The following NISCH variants were observed in gnomAD, a reference collection of about 807,000 sequenced individuals.
NISCH encodes nischarin, also known as I-1 receptor candidate protein.
A neutral mutation model predicts 138.4 loss-of-function variants in NISCH; 55 were observed. The observed-to-expected ratio is 0.40, with a 90% CI of 0.32 to 0.50. The LOEUF (loss-of-function observed/expected upper bound fraction) is 0.50. NISCH is among the 20% of genes least tolerant of loss of function. NISCH has a pLI of 0.71. For synonymous variants in NISCH, 860 were observed against 861.5 expected (o/e 1.00, Z 0.03); for missense variants, 1,643 against 2,005.5 (o/e 0.82, Z 3.45).
chr3:52,473,692 G>A (rs1372336631), intron 6 of NISCH, 42 bp from the exon 7 acceptor site: 2 of 1,424,956 alleles, frequency 1.4e-6, no homozygotes, highest in Non-Finnish European at 2.0e-6. Flanking sequence ...TTCTGACGGA[G>A]CAAGGATTCT....
intron 18 of NISCH, 40 bp from the exon 19 acceptor site, chr3:52,490,665 C>T (rs749933288): frequency 1.9e-6 from 3 of 1,613,438 alleles, no homozygotes; most frequent in South Asian, 2.2e-5. Flanking sequence ...CTTGTGCTTG[C>T]CTGCCACCGC....
intron 11 of NISCH, 53 bp downstream of exon 11, chr3:52,478,630 A>G: frequency 6.6e-7 from 1 of 1,518,368 alleles, no homozygotes; most frequent in South Asian, 1.1e-5. Context: ...GATGCAGTCA[A>G]GTCTGCATGG....
Position 52,492,173 on chromosome 3 carries a change from A to C in NISCH, c.4206A>C (p.Arg1402Ser). Residue 1402 changes from arginine to serine, a missense_variant, in exon 21 of 21, where the codon AGA becomes AGC. Transcript: ENST00000345716. The stretch of plus-strand genomic sequence containing the variant: ...AGTTTGCCAAAGAGCCGCCGCAGAG[A>C]GACAGGTACCGGCTGGACGATGGCC... ...LPEFAKEPPQ[R>S]DRYRLDDGRR... 6.2e-7 allele frequency: 1 copy of C among 1,613,114 alleles called. No homozygotes were observed. Among genetic ancestry groups the C allele is most frequent in the Non-Finnish European group, 8.5e-7 (1 of 1,180,020 alleles).
chr3:52,457,745 G>C, intron 1 of NISCH, 98 bp from the exon 2 acceptor site: 1 of 937,262 alleles, frequency 1.1e-6, no homozygotes. Context: ...ACTGATAAAA[G>C]ATAATTGGGA....
In NISCH at chr3:52,487,419, G is replaced by A; in HGVS notation, c.1927G>A (p.Glu643Lys). 6.2e-7 allele frequency: 1 copy of A among 1,612,038 alleles called. No individual in the cohort carries two copies. The highest frequency in any genetic ancestry group is 1.3e-5 in the African/African-American group (1 of 75,004). Residue 643 changes from glutamate (E) to lysine (K), a missense_variant, in exon 16 of 21, where the codon GAG (glutamate) becomes AAG (lysine). Glu to Lys is a moderately conservative substitution (Grantham distance 56). Coordinates refer to ENST00000345716, the MANE Select transcript of NISCH (RefSeq NM_007184.4). The surrounding 1 kb of genome is among the most constrained non-coding windows in gnomAD (Gnocchi z 9.1). ...GEQGEEEDEE[E>K]EEEEDVAENR... is the part of the protein sequence containing the mutation. Reference sequence around the variant, plus strand: ...ACAGGGCGAGGAGGAGGATGAGGAGGAGGAAGAAGAGGAGGACGTGGCTGA... The same window carrying A: ...ACAGGGCGAGGAGGAGGATGAGGAGAAGGAAGAAGAGGAGGACGTGGCTGA...
Position 52,488,287 on chromosome 3 carries a change from C to T in NISCH, c.2795C>T (p.Thr932Ile), listed in dbSNP as rs766771062. The change falls in exon 16 of 21, where the codon ACC becomes ATC. Residue 932 changes from threonine (T) to isoleucine (I), a missense_variant. Coordinates refer to ENST00000345716, the MANE Select transcript of NISCH (RefSeq NM_007184.4). ...TTCAACCCCATGCCCAACCGTGGCA[C>T]CCACAACTGTCGCAACCGCAACAGC... ...ADFNPMPNRGTHNCRNRNSFK... is the reference protein window; with the variant it reads ...ADFNPMPNRGIHNCRNRNSFK... 2 of 1,610,720 alleles carry T rather than the reference C, an allele frequency of 1.2e-6. No homozygotes were observed. The highest frequency in any genetic ancestry group is 1.7e-6 in the Non-Finnish European group (2 of 1,179,992).
In NISCH at chr3:52,478,292, A is replaced by C; in HGVS notation, c.1173+10A>C. The C allele has an allele frequency of 6.2e-7, 1 of 1,613,094 alleles. No homozygotes were observed. The highest frequency in any genetic ancestry group is 1.1e-5 in the South Asian group (1 of 91,054). The stretch of plus-strand genomic sequence containing the variant: ...CAACAGGATCGAACAGGTGAGCCCA[A>C]GGACCTCACAGTTTTGGGATTTCTG... On this transcript the variant is annotated intron_variant, in intron 10 of 20. Coordinates refer to ENST00000345716, the MANE Select transcript of NISCH (RefSeq NM_007184.4).
chr3:52,457,943 G>T lies in NISCH; in HGVS notation c.177+17G>T. On this transcript the variant is annotated intron_variant, in intron 2 of 20. Coordinates refer to ENST00000345716, the MANE Select transcript of NISCH (RefSeq NM_007184.4). ...CATGAAAAGGTAACTGTTAAGAGCT[G>T]GGAGCACGTATCTCAGGGCTGGGGG... is the stretch of plus-strand genomic sequence containing the variant. The T allele has an allele frequency of 6.3e-7, 1 of 1,588,516 alleles. No homozygotes were observed. Among genetic ancestry groups the T allele is most frequent in the African/African-American group, 1.3e-5 (1 of 74,630 alleles).
chr3:52,461,902 T>G (rs1180022114), intron 3 of NISCH, among the ~76,000 whole-genome samples: 2 of 151,908 alleles, frequency 1.3e-5, no homozygotes, highest in African/African-American at 2.4e-5. Context: ...TTAAGAAAGC[T>G]TTGGTTAGCC....
intron 13 of NISCH, 51 bp from the exon 14 acceptor site, chr3:52,484,462 T>TTGCCCCCCCCCCCCCCCCC: frequency 1.3e-6 from 1 of 788,670 alleles, no homozygotes; most frequent in Non-Finnish European, 1.8e-6. Flanking sequence ...ACAGCCGCTC[T>TTGCCCCCCCCCCCCCCCCC]CCCCGCCCCA....
intron 13 of NISCH, chr3:52,482,035 TC>T: frequency 5.8e-6 from 3 of 513,216 alleles, no homozygotes; most frequent in Non-Finnish European, 7.5e-6. Context: ...CAGGCCACGG[TC>T]CAGGACGGGA....
intron 13 of NISCH, among the ~76,000 whole-genome samples, chr3:52,482,710 A>G (rs1257669430): frequency 2.6e-5 from 4 of 152,174 alleles, no homozygotes; most frequent in Non-Finnish European, 5.9e-5. Flanking sequence ...ACCCGTGGAC[A>G]CCTTCCGCTA....
chr3:52,461,076 C>A (rs1706618877), intron 3 of NISCH, among the ~76,000 whole-genome samples: 1 of 152,126 alleles, frequency 6.6e-6, no homozygotes, highest in Non-Finnish European at 1.5e-5. Context: ...CCTGTCGCTA[C>A]TAAAAATACA....
At chr3:52,470,239 C>G (rs1247417186) in intron 3 of NISCH, among the ~76,000 whole-genome samples, 2 of 152,166 alleles carry the variant, frequency 1.3e-5, no homozygotes, top group East Asian at 3.8e-4. Context: ...TTGTCCTGCC[C>G]TTCATCACAT....
At position 52,462,298 on chromosome 3, in the gene NISCH, C is replaced by T. The variant is rs1027952492; in HGVS notation, c.360+3454C>T. 2.0e-5 allele frequency among the ~76,000 whole-genome samples: 3 copies of T among 152,208 alleles called. No homozygotes were observed. In the South Asian group the frequency reaches 6.2e-4, roughly 31 times the overall value. On this transcript the variant is annotated intron_variant, in intron 3 of 20. Coordinates refer to ENST00000345716, the MANE Select transcript of NISCH (RefSeq NM_007184.4). Reference sequence around the variant, plus strand: ...AATTTGTTTCTGTAAGGAGCTGTCCCATGCATTGTTTAGCAGCACCCTGGC... The same window carrying T: ...AATTTGTTTCTGTAAGGAGCTGTCCTATGCATTGTTTAGCAGCACCCTGGC...
At chr3:52,480,858 G>A (rs1259350406) in intron 13 of NISCH, 7 of 1,534,466 alleles carry the variant, frequency 4.6e-6, no homozygotes, top group Non-Finnish European at 6.1e-6. Flanking sequence ...GTTTTCAAAG[G>A]GCTTTCACCT....
chr3:52,457,766 C>A, intron 1 of NISCH, 77 bp from the exon 2 acceptor site: 1 of 1,022,118 alleles, frequency 9.8e-7, no homozygotes, highest in Non-Finnish European at 1.5e-6. Context: ...AAGATAATTG[C>A]AGCTTTTGCT....
chr3:52,471,452 T>G (rs1413203085), intron 4 of NISCH: 1 of 355,602 alleles, frequency 2.8e-6, no homozygotes, highest in Non-Finnish European at 5.2e-6. Flanking sequence ...GGCCTGCGCC[T>G]GACCTGGGTG....
chr3:52,492,437 G>T lies in NISCH; in HGVS notation c.4470G>T (p.Trp1490Cys). 6.2e-7 allele frequency: 1 copy of T among 1,611,780 alleles called. No individual in the cohort carries two copies. The highest frequency in any genetic ancestry group is 1.1e-5 in the South Asian group (1 of 91,030). The change falls in exon 21 of 21, where the codon TGG becomes TGT. Residue 1490 changes from tryptophan (W) to cysteine (C), a missense_variant. Physicochemically the swap from Trp to Cys is radical, Grantham distance 215 (BLOSUM62 -2). Transcript: ENST00000345716. ...TCATCTCGCTGTTGGCTCGCCAGTG[G>T]GAGGCCCTGTGTGGCCGTGAGCTGC... ...EKLISLLARQ[W>C]EALCGRELPV...
Sources: allele counts gnomAD v4.1 joint callset (sites outside exome capture counted in the v4.1 genomes callset), GRCh38; gene constraint gnomAD v4.1.1; non-coding constraint Gnocchi (gnomAD v3.1); transcripts MANE v1.5; gene names NCBI Gene and HGNC (gene_info 2026-07-23, HGNC 2026-07-21).